PRKCE: variants seen among roughly 807,000 people sequenced by gnomAD.
PRKCE encodes protein kinase C epsilon, also known as protein kinase C epsilon type.
In PRKCE, 16 loss-of-function variants were observed where a neutral mutation model predicts 85.4. The ratio of observed to expected loss-of-function variants is 0.19; its 90% CI spans 0.13 to 0.28. The LOEUF (loss-of-function observed/expected upper bound fraction) is 0.28, where lower values mean the gene tolerates loss of function less well. Ranked by LOEUF, PRKCE falls within the 10% of genes least tolerant of loss-of-function variation. PRKCE has a pLI of 1.00. For synonymous variants in PRKCE, 388 were observed against 371.5 expected (o/e 1.04, Z -0.51); for missense variants, 573 against 975.2 (o/e 0.59, Z 5.49).
chr2:45,897,249 C>G (rs565864364), intron 2 of PRKCE, among the ~76,000 whole-genome samples: 1 of 152,066 alleles, frequency 6.6e-6, no homozygotes, highest in African/African-American at 2.4e-5. Flanking sequence ...TCTATCGGCC[C>G]GTCCATTCAT....
intron 1 of PRKCE, among the ~76,000 whole-genome samples, chr2:45,806,239 C>G (rs1312102125): frequency 6.6e-6 from 1 of 152,068 alleles, no homozygotes; most frequent in South Asian, 2.1e-4. Context: ...CCAAAGGGTC[C>G]CATGTGTGTG....
At chr2:45,768,757 C>T (rs917689963) in intron 1 of PRKCE, among the ~76,000 whole-genome samples, 10 of 152,354 alleles carry the variant, frequency 6.6e-5, no homozygotes, top group African/African-American at 2.2e-4. Flanking sequence ...TCTCCCTTCT[C>T]TGAATATGTG....
chr2:45,665,797 C>T (rs1236813816), intron 1 of PRKCE, among the ~76,000 whole-genome samples: 7 of 152,136 alleles, frequency 4.6e-5, no homozygotes, highest in Non-Finnish European at 8.8e-5. Context: ...GCTTGGCCTT[C>T]GATTTTTCTT....
chr2:45,886,748 T>C (rs1250314069), intron 2 of PRKCE, among the ~76,000 whole-genome samples: 1 of 152,242 alleles, frequency 6.6e-6, no homozygotes, highest in African/African-American at 2.4e-5. Context: ...TAAACCTTTT[T>C]CTTTAAATGC....
intron 1 of PRKCE, among the ~76,000 whole-genome samples, chr2:45,671,036 C>A (rs181698753): frequency 2.6e-5 from 4 of 152,158 alleles, no homozygotes; most frequent in African/African-American, 4.8e-5. Context: ...TAATACAAGG[C>A]GGGTTTCCTC....
chr2:46,115,947 C>T (rs1322064302), intron 11 of PRKCE, among the ~76,000 whole-genome samples: 1 of 152,150 alleles, frequency 6.6e-6, no homozygotes, highest in Non-Finnish European at 1.5e-5. Context: ...CCTGTGTCAA[C>T]CAAGGGCCTA....
At chr2:45,666,027 C>G (rs1035837994) in intron 1 of PRKCE, among the ~76,000 whole-genome samples, 1 of 152,092 alleles carries the variant, frequency 6.6e-6, no homozygotes, top group African/African-American at 2.4e-5. Flanking sequence ...CCTACCTTAA[C>G]GTTTGAAGTT....
intron 1 of PRKCE, among the ~76,000 whole-genome samples, chr2:45,656,306 C>T (rs1675377198): frequency 6.6e-6 from 1 of 152,186 alleles, no homozygotes; most frequent in Admixed American, 6.5e-5. Context: ...CCAAGTGCCT[C>T]TGAACATCAT....
At chr2:46,107,788 G>C (rs1384986778) in intron 11 of PRKCE, among the ~76,000 whole-genome samples, 2 of 152,098 alleles carry the variant, frequency 1.3e-5, no homozygotes, top group Non-Finnish European at 2.9e-5. Context: ...GTTGTAATTT[G>C]CAATTCACTA....
At chr2:45,971,733 A>G (rs1445389736) in intron 2 of PRKCE, among the ~76,000 whole-genome samples, 1 of 152,264 alleles carries the variant, frequency 6.6e-6, no homozygotes, top group African/African-American at 2.4e-5. Flanking sequence ...ATCACCTGTA[A>G]TTCCACCAGT....
At chr2:45,726,057 G>A (rs1359822673) in intron 1 of PRKCE, among the ~76,000 whole-genome samples, 8 of 152,186 alleles carry the variant, frequency 5.3e-5, no homozygotes, top group African/African-American at 1.9e-4. Flanking sequence ...CTGGATTGCT[G>A]CAGTCTCTTG....
chr2:45,702,466 G>A (rs993393681), intron 1 of PRKCE, among the ~76,000 whole-genome samples: 1 of 152,174 alleles, frequency 6.6e-6, no homozygotes, highest in African/African-American at 2.4e-5. Context: ...TCTATTGTGT[G>A]TGTTATAGAA....
intron 1 of PRKCE, among the ~76,000 whole-genome samples, chr2:45,733,885 A>G (rs889628490): frequency 6.6e-6 from 1 of 151,856 alleles, no homozygotes; most frequent in African/African-American, 2.4e-5. Context: ...CAGAACAACG[A>G]TTTTGCTTTG....
intron 1 of PRKCE, among the ~76,000 whole-genome samples, chr2:45,674,252 G>A (rs964689452): frequency 6.6e-6 from 1 of 152,118 alleles, no homozygotes; most frequent in Non-Finnish European, 1.5e-5. Context: ...ACTTCCTCTT[G>A]GCTGAGTATA....
At chr2:45,832,705 G>A (rs899816010) in intron 1 of PRKCE, among the ~76,000 whole-genome samples, 5 of 152,272 alleles carry the variant, frequency 3.3e-5, no homozygotes, top group African/African-American at 7.2e-5. Flanking sequence ...GCTGTCTGTG[G>A]GGCAGCCTGC....
At chr2:45,668,066 C>T (rs886606202) in intron 1 of PRKCE, among the ~76,000 whole-genome samples, 12 of 152,254 alleles carry the variant, frequency 7.9e-5, no homozygotes, top group African/African-American at 2.4e-4. Flanking sequence ...CACGGCTGGG[C>T]ACGGTGGCTT....
At chr2:45,653,315 G>A (rs1470195832) in intron 1 of PRKCE, among the ~76,000 whole-genome samples, 1 of 148,872 alleles carries the variant, frequency 6.7e-6, no homozygotes, top group Non-Finnish European at 1.5e-5. Flanking sequence ...CTTGGCACTT[G>A]GACAAGCAGA....
At chr2:45,695,904 C>G (rs1435990200) in intron 1 of PRKCE, among the ~76,000 whole-genome samples, 2 of 152,174 alleles carry the variant, frequency 1.3e-5, no homozygotes, top group African/African-American at 4.8e-5. Context: ...TTGTACACAT[C>G]AGTGGTTAGA....
In PRKCE at chr2:46,139,046, G is replaced by C. The variant is rs949572137; in HGVS notation, c.1593-6047G>C. Among the ~76,000 whole-genome samples, 2 of 152,102 alleles carry C rather than the reference G, an allele frequency of 1.3e-5. No individual in the cohort carries two copies. Among genetic ancestry groups the C allele is most frequent in the Non-Finnish European group, 2.9e-5 (2 of 68,018 alleles). On this transcript the variant is annotated intron_variant, in intron 11 of 14. Coordinates refer to ENST00000306156, the MANE Select transcript of PRKCE (RefSeq NM_005400.3). This position sits in a 1 kb window ranked among gnomAD's most constrained non-coding sequence, Gnocchi z 5.2. The stretch of plus-strand genomic sequence containing the variant: ...GGAGAGTAAAGTAGCCATCTATCCA[G>C]GTGTCAGGCAACAAGGGCTATCGCA...
Sources: gnomAD v4.1 joint callset for allele counts (sites outside exome capture counted in the v4.1 genomes callset) on GRCh38, gnomAD v4.1.1 for gene constraint, Gnocchi (gnomAD v3.1) non-coding constraint, MANE v1.5 for transcripts, NCBI Gene and HGNC (gene_info 2026-07-23, HGNC 2026-07-21) for gene names.